Variants in RMDN2 observed in about 807,000 individuals in gnomAD.
RMDN2 encodes regulator of microtubule dynamics protein 2.
A neutral mutation model predicts 52.8 loss-of-function variants in RMDN2; 61 were observed. That is an observed-to-expected ratio of 1.16 (90% CI 0.94 to 1.43). RMDN2 has a LOEUF of 1.43. Among genes scored for constraint, RMDN2 ranks in the 40% most tolerant of loss-of-function variants. The probability of loss-of-function intolerance (pLI) is 0.00; values close to 1 mark genes in which losing one functional copy is unlikely to be tolerated. For missense variants in RMDN2, 592 were observed against 475.3 expected (o/e 1.25, Z -2.28); for synonymous variants, 180 against 153.1 (o/e 1.18, Z -1.30).
intron 5 of RMDN2, among the ~76,000 whole-genome samples, chr2:37,982,018 TA>T (rs1673384908): frequency 6.6e-6 from 1 of 152,130 alleles, no homozygotes; most frequent in Non-Finnish European, 1.5e-5. Flanking sequence ...TCTCCAGCAA[TA>T]CAGGTGCCCC....
chr2:37,993,219 C>G (rs1401667030), intron 7 of RMDN2, among the ~76,000 whole-genome samples: 1 of 152,190 alleles, frequency 6.6e-6, no homozygotes. Flanking sequence ...ACCACCGCAC[C>G]TGGCCCAGGC....
chr2:38,002,429 A>C (rs1230168286), intron 8 of RMDN2, among the ~76,000 whole-genome samples: 2 of 152,198 alleles, frequency 1.3e-5, no homozygotes, highest in Non-Finnish European at 2.9e-5. Context: ...ATTGAAAATG[A>C]TGAAGTATAT....
intron 6 of RMDN2, among the ~76,000 whole-genome samples, chr2:37,990,241 G>A (rs1170042128): frequency 1.3e-5 from 2 of 151,750 alleles, no homozygotes; most frequent in South Asian, 2.1e-4. Flanking sequence ...TTAGCCGGCC[G>A]GGTGTGGTGG....
chr2:38,025,743 T>C (rs977088946), intron 10 of RMDN2, among the ~76,000 whole-genome samples: 1 of 152,138 alleles, frequency 6.6e-6, no homozygotes, highest in Non-Finnish European at 1.5e-5. Context: ...TGTTTTAGTT[T>C]ATATGATGAA....
intron 2 of RMDN2, among the ~76,000 whole-genome samples, chr2:37,964,691 A>T (rs6713819): frequency 0.82 from 124,528 of 152,042 alleles, 51,199 homozygotes; most frequent in Middle Eastern, 0.91. Context: ...TGTTGTTAGG[A>T]CCTACAGGTT....
intron 5 of RMDN2, among the ~76,000 whole-genome samples, chr2:37,983,440 A>T (rs1359350028): frequency 6.6e-6 from 1 of 152,224 alleles, no homozygotes; most frequent in Non-Finnish European, 1.5e-5. Flanking sequence ...TTATAATCAT[A>T]GCATTTAACC....
intron 10 of RMDN2, among the ~76,000 whole-genome samples, chr2:38,059,234 T>C (rs996066562): frequency 2.0e-5 from 3 of 152,202 alleles, no homozygotes; most frequent in African/African-American, 7.2e-5. Flanking sequence ...TTAATTTAAA[T>C]TTAAATAGCC....
intron 2 of RMDN2, among the ~76,000 whole-genome samples, chr2:37,964,671 G>C (rs541496003): frequency 1.3e-5 from 2 of 152,188 alleles, no homozygotes; most frequent in South Asian, 2.1e-4. Flanking sequence ...TGGGTGGCAT[G>C]GTCTATATGT....
intron 10 of RMDN2, among the ~76,000 whole-genome samples, chr2:38,038,089 A>C (rs972988512): frequency 1.2e-4 from 18 of 151,760 alleles, no homozygotes; most frequent in African/African-American, 4.1e-4. Flanking sequence ...CCCTTTCCCG[A>C]ACCGTTTCTT....
intron 4 of RMDN2, among the ~76,000 whole-genome samples, chr2:37,979,848 A>G (rs918788483): frequency 3.3e-5 from 5 of 152,206 alleles, no homozygotes; most frequent in African/African-American, 1.2e-4. Context: ...GTAGCTAAAA[A>G]ATTGATTTAG....
At chr2:38,052,673 A>G (rs145345622) in intron 10 of RMDN2, among the ~76,000 whole-genome samples, 3 of 152,274 alleles carry the variant, frequency 2.0e-5, no homozygotes, top group East Asian at 3.9e-4. Flanking sequence ...ATAGTCATGT[A>G]TGAACTTGGC....
chr2:38,016,951 C>T (rs1678875985), intron 10 of RMDN2, among the ~76,000 whole-genome samples: 1 of 151,736 alleles, frequency 6.6e-6, no homozygotes, highest in African/African-American at 2.4e-5. Flanking sequence ...ATAAAACACT[C>T]ACTAAGAGAA....
chr2:37,991,275 T>C lies in RMDN2; in HGVS notation c.923T>C (p.Leu308Pro). 3 of 1,580,090 alleles carry C rather than the reference T, an allele frequency of 1.9e-6. No homozygotes were observed. The highest frequency in any genetic ancestry group is 2.6e-6 in the Non-Finnish European group (3 of 1,157,774). Residue 308 changes from leucine to proline, a missense_variant, in exon 7 of 11, where the codon CTC (leucine) becomes CCC (proline). Leu to Pro is a moderately conservative substitution (Grantham distance 98, BLOSUM62 -3). Coordinates refer to ENST00000354545, the MANE Select transcript of RMDN2 (RefSeq NM_001170791.3). ...CCAGAGGAACCCTTTCTATATTACCTCAAAGGGAGATACTGCTATACTGTA... is the reference window on the plus strand; with the variant it reads ...CCAGAGGAACCCTTTCTATATTACCCCAAAGGGAGATACTGCTATACTGTA... Reference protein sequence around the residue: ...LLPEEPFLYYLKGRYCYTVSK... With the variant: ...LLPEEPFLYYPKGRYCYTVSK...
downstream of RMDN2, among the ~76,000 whole-genome samples, chr2:38,020,607 CG>C (rs1212688417): frequency 6.6e-6 from 1 of 152,188 alleles, no homozygotes; most frequent in Admixed American, 6.5e-5. Flanking sequence ...ACACTGGGAG[CG>C]GCCAGCCGGC....
chr2:37,944,284 G>A (rs1488463200), intron 2 of RMDN2, among the ~76,000 whole-genome samples: 2 of 150,806 alleles, frequency 1.3e-5, no homozygotes, highest in East Asian at 3.9e-4. Flanking sequence ...TTTATAAACA[G>A]GTGATGTATT....
At position 37,963,475 on chromosome 2, in the gene RMDN2, T is replaced by C. The variant is rs377228247; in HGVS notation, c.453-10565T>C. Among the ~76,000 whole-genome samples the C allele has an allele frequency of 9.2e-4, 140 of 152,296 alleles. 2 individuals carry two copies. In the East Asian group the frequency reaches 0.023, roughly 25 times the overall value. On this transcript the variant is annotated intron_variant, in intron 2 of 10. Coordinates refer to ENST00000354545, the MANE Select transcript of RMDN2 (RefSeq NM_001170791.3). The stretch of plus-strand genomic sequence containing the variant: ...CAGAGGACCCTGCAGCCTTCCGCAG[T>C]GTTTGTGTCCCTGGGTACTTGAGAT...
intron 2 of RMDN2, chr2:37,951,538 C>G: frequency 1.2e-6 from 2 of 1,612,436 alleles, no homozygotes; most frequent in Non-Finnish European, 1.7e-6. Flanking sequence ...ACAGGCTTCA[C>G]TGATATAAAA....
chr2:38,001,815 G>A (rs1390864979), intron 8 of RMDN2, among the ~76,000 whole-genome samples: 1 of 152,172 alleles, frequency 6.6e-6, no homozygotes, highest in Non-Finnish European at 1.5e-5. Context: ...AGAAACAGGA[G>A]AACCAGAATC....
chr2:37,952,392 G>A (rs1181482005), intron 2 of RMDN2: 7 of 556,968 alleles, frequency 1.3e-5, no homozygotes, highest in South Asian at 3.1e-5. Context: ...GTTTACTGAT[G>A]TTATTGGAGT....
Sources: allele counts gnomAD v4.1 joint callset (sites outside exome capture counted in the v4.1 genomes callset), GRCh38; gene constraint gnomAD v4.1.1; transcripts MANE v1.5; gene names NCBI Gene and HGNC (gene_info 2026-07-23, HGNC 2026-07-21).